Variants in PPP1R36 observed in about 807,000 individuals in gnomAD.
The protein encoded by PPP1R36 is protein phosphatase 1 regulatory subunit 36.
A neutral mutation model predicts 53.4 loss-of-function variants in PPP1R36; 47 were observed. The observed-to-expected ratio is 0.88, with a 90% confidence interval of 0.70 to 1.12. The LOEUF (loss-of-function observed/expected upper bound fraction) is 1.12. PPP1R36 is among the 50% of genes most tolerant of loss of function. PPP1R36 has a pLI of 0.00. For synonymous variants in PPP1R36, 153 were observed against 170.5 expected (o/e 0.90, Z 0.80); for missense variants, 456 against 513.9 (o/e 0.89, Z 1.09).
intron 3 of PPP1R36, among the ~76,000 whole-genome samples, chr14:64,561,537 C>T (rs2080205623): frequency 6.6e-6 from 1 of 152,112 alleles, no homozygotes; most frequent in Non-Finnish European, 1.5e-5. Flanking sequence ...TAGCTCTGCC[C>T]CTGACTAGAT....
At chr14:64,570,939 T>C (rs958894835) in intron 7 of PPP1R36, among the ~76,000 whole-genome samples, 1 of 152,226 alleles carries the variant, frequency 6.6e-6, no homozygotes, top group Non-Finnish European at 1.5e-5. Flanking sequence ...GGAGATGACA[T>C]TACAGTTCCT....
At chr14:64,563,180 T>C (rs1464806080) in intron 3 of PPP1R36, among the ~76,000 whole-genome samples, 2 of 152,144 alleles carry the variant, frequency 1.3e-5, no homozygotes, top group Non-Finnish European at 2.9e-5. Flanking sequence ...TTTTTTATTT[T>C]ATTTTTAGAC....
chr14:64,585,219 A>G lies in PPP1R36; in HGVS notation c.669-1618A>G, dbSNP rs148602107. ...CACAGTTCCTCCAAGGAAGGCCCCA[A>G]CAAAAGCAGAAGCAGGCCGGGCACC... On this transcript the variant is annotated intron_variant, in intron 8 of 11. Transcript: ENST00000298705. Among the ~76,000 whole-genome samples, 42 of 152,328 alleles carry G rather than the reference A, an allele frequency of 2.8e-4. 2 individuals are homozygous for G. The East Asian group carries it at 7.7e-3, about 28-fold the overall frequency.
rs756321928 is a variant in PPP1R36, at chr14:64,550,934, G to C, written c.83G>C (p.Arg28Pro). 1.2e-6 allele frequency: 2 copies of C among 1,608,946 alleles called. No homozygotes were observed. Among genetic ancestry groups the C allele is most frequent in the Non-Finnish European group, 1.7e-6 (2 of 1,178,028 alleles). ...TTCGTTTTACAGCAGTTGGGATTAC[G>C]ATTAGGGATGTGGTACTGGAAAGAT... ...TPYLMDQLGLRLGMWYWKDET... is the reference protein window; with the variant it reads ...TPYLMDQLGLPLGMWYWKDET... The change falls in exon 2 of 12, where the codon CGA becomes CCA. Residue 28 changes from arginine (R) to proline (P), a missense_variant. By Grantham distance (103) the Arg-to-Pro change is moderately radical (BLOSUM62 -2). Transcript: ENST00000298705.
intron 3 of PPP1R36, among the ~76,000 whole-genome samples, chr14:64,554,903 A>G (rs890710858): frequency 1.3e-5 from 2 of 151,980 alleles, no homozygotes; most frequent in African/African-American, 4.8e-5. Flanking sequence ...GCCCTGTAGG[A>G]CCCCCAGGTT....
intron 1 of PPP1R36, among the ~76,000 whole-genome samples, chr14:64,550,644 C>CT (rs2080086987): frequency 6.6e-6 from 1 of 152,148 alleles, no homozygotes; most frequent in African/African-American, 2.4e-5. Context: ...ACTTTCCTCC[C>CT]TTCCTTTCTC....
intron 8 of PPP1R36, among the ~76,000 whole-genome samples, chr14:64,581,687 T>C (rs995925548): frequency 2.0e-5 from 3 of 152,162 alleles, no homozygotes; most frequent in Non-Finnish European, 2.9e-5. Flanking sequence ...TTGTCTCATG[T>C]GCACACTTAA....
chr14:64,577,718 CT>C (rs10667127), intron 8 of PPP1R36, among the ~76,000 whole-genome samples: 252 of 94,384 alleles, frequency 2.7e-3, no homozygotes, highest in African/African-American at 8.9e-3. Context: ...GCCATGATTA[CT>C]TTTTTTTTTT....
chr14:64,568,453 T>A lies in PPP1R36; in HGVS notation c.533+6T>A. On this transcript the variant is annotated splice_donor_region_variant and intron_variant, in intron 7 of 11. Coordinates refer to ENST00000298705, the MANE Select transcript of PPP1R36 (RefSeq NM_172365.3). ...AAACCCAAAAGCTATATGGTGTAAGTAAGATTTTATAGTGTGCTTTAGAGT... is the reference window on the plus strand; with the variant it reads ...AAACCCAAAAGCTATATGGTGTAAGAAAGATTTTATAGTGTGCTTTAGAGT... The A allele has an allele frequency of 7.4e-7, 1 of 1,349,530 alleles. No homozygotes were observed. The highest frequency in any genetic ancestry group is 1.0e-6 in the Non-Finnish European group (1 of 968,288). The allele number at this position is 1,349,530 out of a possible 1,614,324, so 83.6% of individuals were successfully genotyped here. A position where few individuals can be genotyped will look rare whatever the true frequency, so the allele number is the denominator to read the frequency against.
At position 64,550,970 on chromosome 14, in the gene PPP1R36, C is replaced by A. The variant is rs757277856; in HGVS notation, c.119C>A (p.Thr40Asn). 1.0e-4 allele frequency: 163 copies of A among 1,605,346 alleles called. No homozygotes were observed. The highest frequency in any genetic ancestry group is 1.3e-4 in the Non-Finnish European group (158 of 1,174,416). ...GMWYWKDETR[T>N]LEFRRFAAED... ...TGGTACTGGAAAGATGAAACCAGAA[C>A]TCTTGAATTCAGAAGGTAAAATTTA... is the stretch of plus-strand genomic sequence containing the variant. Residue 40 changes from threonine (T) to asparagine (N), a missense_variant, in exon 2 of 12, where the codon ACT becomes AAT. Physicochemically the swap from Thr to Asn is moderately conservative, Grantham distance 65 (BLOSUM62 0). Coordinates refer to ENST00000298705, the MANE Select transcript of PPP1R36 (RefSeq NM_172365.3).
At chr14:64,574,223 A>G (rs1023612033) in intron 7 of PPP1R36, among the ~76,000 whole-genome samples, 1 of 152,126 alleles carries the variant, frequency 6.6e-6, no homozygotes, top group African/African-American at 2.4e-5. Flanking sequence ...CAAAATAAAA[A>G]AAGATTAGCC....
At chr14:64,552,965 T>G in intron 3 of PPP1R36, 104 bp downstream of exon 3, 2 of 1,107,708 alleles carry the variant, frequency 1.8e-6, no homozygotes, top group Non-Finnish European at 2.7e-6. Context: ...TGTATAAATA[T>G]TAAGTGCCAA....
intron 8 of PPP1R36, among the ~76,000 whole-genome samples, chr14:64,580,666 C>T (rs895364654): frequency 3.3e-5 from 5 of 152,114 alleles, no homozygotes; most frequent in Non-Finnish European, 7.3e-5. Context: ...TCACCACCCA[C>T]GTAACAAATT....
intron 9 of PPP1R36, 132 bp from the exon 10 acceptor site, chr14:64,587,062 T>A (rs2080439023): frequency 3.6e-6 from 3 of 841,162 alleles, no homozygotes; most frequent in Non-Finnish European, 5.5e-6. Flanking sequence ...TGTGTATAAT[T>A]TTTCATTGTT....
At chr14:64,560,400 C>A (rs2080197076) in intron 3 of PPP1R36, among the ~76,000 whole-genome samples, 1 of 146,468 alleles carries the variant, frequency 6.8e-6, no homozygotes, top group Non-Finnish European at 1.5e-5. Context: ...ATGATGGCAC[C>A]ACTGCACTCC....
intron 8 of PPP1R36, 154 bp from the exon 9 acceptor site, chr14:64,586,683 A>C (rs2080435981): frequency 1.8e-6 from 1 of 549,954 alleles, no homozygotes; most frequent in Non-Finnish European, 3.3e-6. Context: ...GAAAGTATTG[A>C]GACTCTTTAT....
chr14:64,564,892 G>A, intron 4 of PPP1R36, 55 bp downstream of exon 4: 1 of 1,194,344 alleles, frequency 8.4e-7, no homozygotes, highest in Non-Finnish European at 1.2e-6. Context: ...TCAGTGGAAT[G>A]GCTTCAGCCT....
At chr14:64,589,014 A>T in intron 11 of PPP1R36, 138 bp from the exon 12 acceptor site, 1 of 589,748 alleles carries the variant, frequency 1.7e-6, no homozygotes. Context: ...AAAGTTTTTA[A>T]AAAGAGAGAA....
intron 3 of PPP1R36, 162 bp downstream of exon 3, chr14:64,553,023 G>C: frequency 1.8e-6 from 1 of 556,942 alleles, no homozygotes; most frequent in Admixed American, 2.9e-5. Context: ...CCAGGCTGGT[G>C]GACAGTGGCA....
Sources: allele counts gnomAD v4.1 joint callset (sites outside exome capture counted in the v4.1 genomes callset), GRCh38; gene constraint gnomAD v4.1.1; transcripts MANE v1.5; gene names NCBI Gene and HGNC (gene_info 2026-07-23, HGNC 2026-07-21).